The following SNTG1 variants were observed in gnomAD, a reference collection of about 807,000 sequenced individuals.
The protein encoded by SNTG1 is syntrophin gamma 1, also known as gamma-1-syntrophin.
Under a neutral mutation model 74.7 loss-of-function variants are expected in SNTG1, and 39 were observed. That is an observed-to-expected ratio of 0.52 (90% CI 0.40 to 0.68). The LOEUF (loss-of-function observed/expected upper bound fraction) is 0.68. SNTG1 is among the 30% of genes least tolerant of loss of function. The pLI is 0.00. For synonymous variants in SNTG1, 254 were observed against 217.1 expected, an observed-to-expected ratio of 1.17 and a Z score of -1.49; for missense variants, 685 against 609.5, an observed-to-expected ratio of 1.12 and a Z score of -1.30.
intron 8 of SNTG1, among the ~76,000 whole-genome samples, chr8:50,470,526 T>TA (rs1218619706): frequency 2.6e-5 from 4 of 152,170 alleles, no homozygotes; most frequent in Non-Finnish European, 5.9e-5. Context: ...TAGTGAGTGT[T>TA]ACAGCTCTTA....
At chr8:50,294,685 T>A (rs761517625) in intron 2 of SNTG1, among the ~76,000 whole-genome samples, 1 of 152,144 alleles carries the variant, frequency 6.6e-6, no homozygotes, top group Admixed American at 6.6e-5. Context: ...GTCCACAGAT[T>A]TAAAAGTTAG....
At chr8:50,735,639 A>G (rs2095526530) in intron 17 of SNTG1, among the ~76,000 whole-genome samples, 1 of 152,060 alleles carries the variant, frequency 6.6e-6, no homozygotes, top group African/African-American at 2.4e-5. Context: ...GACCAAACCT[A>G]TGATTGATTG....
intron 2 of SNTG1, among the ~76,000 whole-genome samples, chr8:50,226,767 G>C (rs1393528317): frequency 6.6e-6 from 1 of 152,118 alleles, no homozygotes; most frequent in African/African-American, 2.4e-5. Flanking sequence ...ATGAAACCAA[G>C]TTGTAACCCG....
chr8:50,196,317 A>T (rs1160987529), intron 2 of SNTG1, among the ~76,000 whole-genome samples: 1 of 152,198 alleles, frequency 6.6e-6, no homozygotes, highest in East Asian at 1.9e-4. Context: ...ACTGTCTCAG[A>T]ATTAACAAGT....
At chr8:50,523,550 G>A (rs1398457644) in intron 9 of SNTG1, among the ~76,000 whole-genome samples, 1 of 152,128 alleles carries the variant, frequency 6.6e-6, no homozygotes, top group Non-Finnish European at 1.5e-5. Flanking sequence ...CCAAGGAGAG[G>A]GAGAGAGATG....
chr8:50,427,304 A>G (rs1229331747), intron 4 of SNTG1, among the ~76,000 whole-genome samples: 4 of 152,236 alleles, frequency 2.6e-5, no homozygotes, highest in African/African-American at 9.6e-5. Context: ...CAGAAATGTA[A>G]ACATAATGAT....
chr8:50,479,855 T>C (rs2093726014), intron 8 of SNTG1, among the ~76,000 whole-genome samples: 1 of 152,354 alleles, frequency 6.6e-6, no homozygotes. Flanking sequence ...GACTAGATCC[T>C]GACAATTACA....
At chr8:50,494,133 A>G (rs1313994670) in intron 8 of SNTG1, among the ~76,000 whole-genome samples, 1 of 151,650 alleles carries the variant, frequency 6.6e-6, no homozygotes, top group East Asian at 1.9e-4. Context: ...ACACACACAC[A>G]CACACACATA....
chr8:50,032,493 G>T (rs561264480), intron 1 of SNTG1, among the ~76,000 whole-genome samples: 4 of 152,004 alleles, frequency 2.6e-5, no homozygotes, highest in African/African-American at 9.6e-5. Flanking sequence ...CTTTTTTTGT[G>T]GTTCTTTGGC....
chr8:50,676,463 C>T (rs2095310052), intron 15 of SNTG1, among the ~76,000 whole-genome samples: 3 of 151,942 alleles, frequency 2.0e-5, no homozygotes, highest in Non-Finnish European at 4.4e-5. Flanking sequence ...CTGTGTTACG[C>T]AGCACCATCA....
chr8:50,385,649 C>T (rs1563314816), intron 2 of SNTG1, among the ~76,000 whole-genome samples: 1 of 152,164 alleles, frequency 6.6e-6, no homozygotes, highest in Non-Finnish European at 1.5e-5. Context: ...AAGATTGATA[C>T]ATCTCTGAGG....
chr8:50,056,104 C>T (rs569839030), intron 1 of SNTG1, among the ~76,000 whole-genome samples: 53 of 152,164 alleles, frequency 3.5e-4, no homozygotes, highest in Non-Finnish European at 5.6e-4. Flanking sequence ...TTGTTTCACT[C>T]CACAATAGAT....
At chr8:50,782,783 G>T (rs182185923) in intron 18 of SNTG1, among the ~76,000 whole-genome samples, 3 of 152,092 alleles carry the variant, frequency 2.0e-5, no homozygotes, top group South Asian at 2.1e-4. Context: ...GAGGTGCTCC[G>T]GTTTTTAGAG....
At chr8:50,612,768 G>GT (rs1484837439) in intron 13 of SNTG1, among the ~76,000 whole-genome samples, 1 of 152,162 alleles carries the variant, frequency 6.6e-6, no homozygotes, top group Non-Finnish European at 1.5e-5. Flanking sequence ...TTTTCAGGAC[G>GT]TAAGAGCAAT....
At chr8:50,186,181 C>T (rs1408152193) in intron 2 of SNTG1, among the ~76,000 whole-genome samples, 1 of 152,070 alleles carries the variant, frequency 6.6e-6, no homozygotes, top group Non-Finnish European at 1.5e-5. Context: ...GACATGATCT[C>T]ATTCTTTTTT....
At position 50,159,485 on chromosome 8, in the gene SNTG1, C is replaced by T. The variant is rs182871934; in HGVS notation, c.-102-13076C>T. ...ACTTCCAAAACATTGTTGTGTCCTC[C>T]GCTGTTCTTTGTAATTATTAATTTG... On this transcript the variant is annotated intron_variant, in intron 1 of 18. Transcript: ENST00000642720. Among the ~76,000 whole-genome samples, 273 of 152,224 alleles carry T rather than the reference C, an allele frequency of 1.8e-3. 2 individuals carry two copies. Among genetic ancestry groups the T allele is most frequent in the African/African-American group, 6.0e-3 (248 of 41,534 alleles).
chr8:50,023,254 T>C (rs531568026), intron 1 of SNTG1, among the ~76,000 whole-genome samples: 12 of 152,210 alleles, frequency 7.9e-5, no homozygotes, highest in South Asian at 2.1e-4. Context: ...ACAATCAGAA[T>C]TGGAGTAAGC....
At position 50,481,003 on chromosome 8, in the gene SNTG1, T is replaced by C. The variant is rs142099333; in HGVS notation, c.364-21775T>C. On this transcript the variant is annotated intron_variant, in intron 8 of 18. Coordinates refer to ENST00000642720, the MANE Select transcript of SNTG1 (RefSeq NM_018967.5). ...TGTATATAAAAAGTATTACTAAAAGTTGTTTCTTGCCATAAATAACTTTAT... is the reference window on the plus strand; with the variant it reads ...TGTATATAAAAAGTATTACTAAAAGCTGTTTCTTGCCATAAATAACTTTAT... Among the ~76,000 whole-genome samples the C allele has an allele frequency of 1.8e-3, 276 of 152,326 alleles. 4 individuals are homozygous for C. Among genetic ancestry groups the C allele is most frequent in the African/African-American group, 6.3e-3 (261 of 41,580 alleles).
At chr8:49,977,614 A>G (rs764913114) in intron 1 of SNTG1, among the ~76,000 whole-genome samples, 4 of 152,240 alleles carry the variant, frequency 2.6e-5, no homozygotes, top group Admixed American at 6.5e-5. Flanking sequence ...GGCCTGGGCA[A>G]GGATCCCTGA....
Sources: allele counts gnomAD v4.1 joint callset (sites outside exome capture counted in the v4.1 genomes callset), GRCh38; gene constraint gnomAD v4.1.1; transcripts MANE v1.5; gene names NCBI Gene and HGNC (gene_info 2026-07-23, HGNC 2026-07-21).